Variants in NEXMIF observed in about 807,000 individuals in gnomAD.
NEXMIF encodes the protein neurite extension and migration factor.
In NEXMIF, 8 loss-of-function variants were observed where a neutral mutation model predicts 62.1. That is an observed-to-expected ratio of 0.13 (90% CI 0.08 to 0.23). The LOEUF (loss-of-function observed/expected upper bound fraction) is 0.23. NEXMIF is among the 10% of genes least tolerant of loss of function. The probability of loss-of-function intolerance (pLI) is 1.00; values close to 1 mark genes in which losing one functional copy is unlikely to be tolerated. For synonymous variants in NEXMIF, 404 were observed against 416.6 expected (o/e 0.97, Z 0.37); for missense variants, 976 against 1,113.3 (o/e 0.88, Z 1.75).
At chrX:74,843,881 G>A (rs1232969582) in intron 1 of NEXMIF, among the ~76,000 whole-genome samples, 1 of 112,077 alleles carries the variant, frequency 8.9e-6, no homozygotes, top group Admixed American at 9.4e-5. Flanking sequence ...AATGACACTG[G>A]TCTGTGTGTT....
chrX:74,838,024 G>A (rs925491705), intron 1 of NEXMIF, among the ~76,000 whole-genome samples: 7 of 111,472 alleles, frequency 6.3e-5, no homozygotes, highest in Admixed American at 3.8e-4. Context: ...GTGGATGGAG[G>A]AAATAATAAA....
intron 1 of NEXMIF, among the ~76,000 whole-genome samples, chrX:74,757,501 C>T (rs745332404): frequency 1.8e-5 from 2 of 111,827 alleles, no homozygotes; most frequent in Non-Finnish European, 3.8e-5. Flanking sequence ...TGGTAAATTG[C>T]GGGTATCTTA....
chrX:74,760,215 G>A (rs1286411575), intron 1 of NEXMIF, among the ~76,000 whole-genome samples: 2 of 111,904 alleles, frequency 1.8e-5, no homozygotes, highest in Non-Finnish European at 3.8e-5. Flanking sequence ...ATATAGGAAT[G>A]CTAGTGATTT....
At chrX:74,792,175 T>G (rs1442500124) in intron 1 of NEXMIF, among the ~76,000 whole-genome samples, 2 of 111,345 alleles carry the variant, frequency 1.8e-5, no homozygotes, top group Non-Finnish European at 3.8e-5. Context: ...GTATGTTGTG[T>G]CTTTGTTCTC....
At position 74,743,995 on chromosome X, in the gene NEXMIF, T is replaced by C. The variant is rs754915589; in HGVS notation, c.562A>G (p.Asn188Asp). The change falls in exon 3 of 4, where the codon AAT becomes GAT. Residue 188 changes from asparagine to aspartate, a missense_variant. Transcript: ENST00000055682. ...CCATATTTCATATTTTCTCCAGCATTAATACACTGAATCCCTATATCAGAG... is the reference window on the plus strand; with the variant it reads ...CCATATTTCATATTTTCTCCAGCATCAATACACTGAATCCCTATATCAGAG... ...AVSDIGIQCINAGENMKYGEQ... is the reference protein window; with the variant it reads ...AVSDIGIQCIDAGENMKYGEQ... 4 of 1,208,667 alleles carry C rather than the reference T, an allele frequency of 3.3e-6. No homozygotes were observed. The highest frequency in any genetic ancestry group is 4.5e-6 in the Non-Finnish European group (4 of 894,409).
At chrX:74,800,374 CT>C (rs1202614129) in intron 1 of NEXMIF, among the ~76,000 whole-genome samples, 39 of 106,581 alleles carry the variant, frequency 3.7e-4, no homozygotes, top group East Asian at 1.8e-3. Flanking sequence ...CTACTACTAG[CT>C]TTTTTTTTTA....
At chrX:74,884,631 C>A (rs992264819) in intron 1 of NEXMIF, among the ~76,000 whole-genome samples, 2 of 111,710 alleles carry the variant, frequency 1.8e-5, no homozygotes, top group African/African-American at 6.5e-5. Context: ...TACAGGAGCA[C>A]CCAGATTCAT....
Position 74,887,374 on chromosome X carries a change from T to C in NEXMIF, c.-48+37509A>G, listed in dbSNP as rs2080699397. ...CAGAGTGAACAGGCAACCTACAGAATGGGAGAAAATTTTTGCAACCTACTC... is the reference window on the plus strand; with the variant it reads ...CAGAGTGAACAGGCAACCTACAGAACGGGAGAAAATTTTTGCAACCTACTC... On this transcript the variant is annotated intron_variant, in intron 1 of 3. Transcript: ENST00000055682. Among the ~76,000 whole-genome samples, 3 of 110,793 alleles carry C rather than the reference T, an allele frequency of 2.7e-5. No homozygotes were observed. In the South Asian group the frequency reaches 1.2e-3, roughly 43 times the overall value.
chrX:74,778,865 G>T (rs2080236638), intron 1 of NEXMIF, among the ~76,000 whole-genome samples: 1 of 111,777 alleles, frequency 8.9e-6, no homozygotes, highest in East Asian at 2.8e-4. Flanking sequence ...GACCTTAAAT[G>T]ATCCGCCCAC....
chrX:74,845,629 C>G (rs1569354160), intron 1 of NEXMIF, among the ~76,000 whole-genome samples: 1 of 111,398 alleles, frequency 9.0e-6, no homozygotes, highest in Non-Finnish European at 1.9e-5. Context: ...TCTCAGTATA[C>G]ATAGTGCTAC....
chrX:74,741,083 T>A lies in NEXMIF; in HGVS notation c.3474A>T (p.Thr1158=). ...TAATTTGACCAGATGGATCATTAAATGTTGACAGGCAAGGGTTTTTTTGGA... is the reference window on the plus strand; with the variant it reads ...TAATTTGACCAGATGGATCATTAAAAGTTGACAGGCAAGGGTTTTTTTGGA... ...SLLQKNPCLS[T]FNDPSGQIST... is the part of the protein sequence containing the mutation. Residue 1158 remains threonine (T), a synonymous_variant, in exon 3 of 4, where the codon ACA becomes ACT. Transcript: ENST00000055682. The A allele has an allele frequency of 8.3e-7, 1 of 1,211,775 alleles. No homozygotes were observed. The highest frequency in any genetic ancestry group is 1.7e-5 in the African/African-American group (1 of 57,769).
intron 1 of NEXMIF, among the ~76,000 whole-genome samples, chrX:74,881,955 G>C: frequency 9.0e-6 from 1 of 111,354 alleles, no homozygotes; most frequent in Non-Finnish European, 1.9e-5. Context: ...TTGAAATCTA[G>C]GATTTCAACA....
rs757100381 is a variant in NEXMIF at position 74,739,286 on chromosome X, CAT to C, written c.*117_*118del. On this transcript the variant is annotated 3_prime_UTR_variant, in exon 4 of 4. Coordinates refer to ENST00000055682, the MANE Select transcript of NEXMIF (RefSeq NM_001008537.3). ...GACTTTTTAAGTCTTTTACATAGAA[CAT>C]GAGATTAAAGTTTGCTCCAAAGACG... 82 of 461,994 alleles carry C rather than the reference CAT, an allele frequency of 1.8e-4. No individual in the cohort carries two copies. The highest frequency in any genetic ancestry group is 2.8e-4 in the Non-Finnish European group (78 of 277,129). 38.1% of individuals were successfully genotyped at this position (461,994 alleles called of 1,213,427 possible).
At chrX:74,852,467 G>A (rs1342671297) in intron 1 of NEXMIF, among the ~76,000 whole-genome samples, 2 of 111,900 alleles carry the variant, frequency 1.8e-5, no homozygotes, top group Non-Finnish European at 3.8e-5. Flanking sequence ...AGACCAAATG[G>A]ACCTAACAGA....
At chrX:74,739,535 A>T (rs778562336) in intron 3 of NEXMIF, 37 bp from the exon 4 acceptor site, 1 of 931,393 alleles carries the variant, frequency 1.1e-6, no homozygotes, top group East Asian at 3.2e-5. Flanking sequence ...CATCTGAGTT[A>T]GTTTTAGTGT....
At chrX:74,826,792 A>G (rs1019869663) in intron 1 of NEXMIF, among the ~76,000 whole-genome samples, 7 of 111,302 alleles carry the variant, frequency 6.3e-5, no homozygotes, top group Non-Finnish European at 1.1e-4. Flanking sequence ...TTTTATAGCC[A>G]TGCATGTTTT....
Position 74,778,458 on chromosome X carries a change from G to A in NEXMIF, c.-47-32761C>T, listed in dbSNP as rs1294025129. On this transcript the variant is annotated intron_variant, in intron 1 of 3. Transcript: ENST00000055682. ...CTTCTTTTCTTTTTTCTTTCATCTC[G>A]CTCTCTCGCCCAGGCTGGAGTGCAG... Among the ~76,000 whole-genome samples the A allele has an allele frequency of 2.8e-5, 3 of 108,446 alleles. No homozygotes were observed. In the East Asian group the frequency reaches 8.7e-4, roughly 31 times the overall value. The allele number at this position is 108,446 out of a possible 115,157, so 94.2% of individuals were successfully genotyped here.
intron 1 of NEXMIF, among the ~76,000 whole-genome samples, chrX:74,855,568 T>G (rs1209536691): frequency 1.8e-5 from 2 of 112,025 alleles, no homozygotes; most frequent in African/African-American, 6.5e-5. Flanking sequence ...CATGGCCACA[T>G]GCATGTGTAG....
At chrX:74,744,930 C>CTCTCT (rs1556016953) in intron 2 of NEXMIF, among the ~76,000 whole-genome samples, 1 of 86,571 alleles carries the variant, frequency 1.2e-5, no homozygotes, top group Non-Finnish European at 2.2e-5. Context: ...TTCTCTCTCT[C>CTCTCT]CTCTCTCTCT....
Sources: gnomAD v4.1 joint callset for allele counts (sites outside exome capture counted in the v4.1 genomes callset) on GRCh38, gnomAD v4.1.1 for gene constraint, MANE v1.5 for transcripts, NCBI Gene and HGNC (gene_info 2026-07-23, HGNC 2026-07-21) for gene names.